PSAPL1: variants seen among roughly 807,000 people sequenced by gnomAD.
PSAPL1 encodes the protein proactivator polypeptide-like 1.
For synonymous variants in PSAPL1, 351 were observed against 291.6 expected (o/e 1.20, Z -2.08); for missense variants, 814 against 688.8 (o/e 1.18, Z -2.03).
rs1412151669 is a variant in PSAPL1, at chr4:7,432,356, C to G, written c.*958G>C. The G allele has an allele frequency of 6.6e-6, 1 of 152,098 alleles. No homozygotes were observed. Among genetic ancestry groups the G allele is most frequent in the African/African-American group, 2.4e-5 (1 of 41,420 alleles). The allele number at this position is 152,098 out of a possible 1,614,324, so 9.4% of individuals were successfully genotyped here. On this transcript the variant is annotated 3_prime_UTR_variant, in exon 1 of 1. Coordinates refer to ENST00000319098, the MANE Select transcript of PSAPL1 (RefSeq NM_001085382.2). ...ATGGGTTTTCTGGTCCCAGCAGACT[C>G]ATGAATGCCGGTCTCGGGGGAAAGG...
Position 7,432,599 on chromosome 4 carries a change from C to T in PSAPL1, c.*715G>A, listed in dbSNP as rs1726950026. On this transcript the variant is annotated 3_prime_UTR_variant, in exon 1 of 1. Coordinates refer to ENST00000319098, the MANE Select transcript of PSAPL1 (RefSeq NM_001085382.2). ...TTTTGCTCTCCTGACTTTGAGCACA[C>T]CCCAAGACTTTCCTTCTGCTCATTA... 6.6e-6 allele frequency: 1 copy of T among 152,116 alleles called. No homozygotes were observed. Among genetic ancestry groups the T allele is most frequent in the South Asian group, 2.1e-4 (1 of 4,810 alleles). 9.4% of individuals were successfully genotyped at this position (152,116 alleles called of 1,614,324 possible). A position where few individuals can be genotyped will look rare whatever the true frequency, so the allele number is the denominator to read the frequency against.
Position 7,433,982 on chromosome 4 carries a change from C to T in PSAPL1, c.898G>A (p.Val300Met), listed in dbSNP as rs759190650. ...AGCCAGTGGTCCAGCTTCTGCACCA[C>T]GTTCATGCACACCTCACAGGTCACA... ...AGVTCEVCMNVVQKLDHWLMS... is the reference protein window; with the variant it reads ...AGVTCEVCMNMVQKLDHWLMS... The change falls in exon 1 of 1, where the codon GTG (valine) becomes ATG (methionine). Residue 300 changes from valine to methionine, a missense_variant. Transcript: ENST00000319098. 1.1e-4 allele frequency: 181 copies of T among 1,613,702 alleles called. No homozygotes were observed. Among genetic ancestry groups the T allele is most frequent in the Admixed American group, 3.8e-4 (23 of 60,008 alleles).
rs753715246 is a variant in PSAPL1, at chr4:7,433,541, G to T, written c.1339C>A (p.Pro447Thr). 1.2e-6 allele frequency: 2 copies of T among 1,610,194 alleles called. No individual in the cohort carries two copies. Among genetic ancestry groups the T allele is most frequent in the Non-Finnish European group, 1.7e-6 (2 of 1,178,796 alleles). ...QCKHFVTQYE[P>T]VLIESLKDMM... ...TCCTTGAGACTCTCAATGAGCACGGGCTCGTACTGGGTGACGAAGTGCTTG... is the reference window on the plus strand; with the variant it reads ...TCCTTGAGACTCTCAATGAGCACGGTCTCGTACTGGGTGACGAAGTGCTTG... Residue 447 changes from proline to threonine, a missense_variant, in exon 1 of 1, where the codon CCC becomes ACC. Physicochemically the swap from Pro to Thr is conservative, Grantham distance 38 (BLOSUM62 -1). Transcript: ENST00000319098.
Position 7,433,793 on chromosome 4 carries a change from T to G in PSAPL1, c.1087A>C (p.Ile363Leu). The stretch of plus-strand genomic sequence containing the variant: ...CGCCTCCGGTTGCCACACAGACGGA[T>G]GAACTTGCACACCTTCTCTGGGGTG... Reference protein sequence around the residue: ...KITPEKVCKFIRLCGNRRRAR... With the variant: ...KITPEKVCKFLRLCGNRRRAR... Residue 363 changes from isoleucine (I) to leucine (L), a missense_variant, in exon 1 of 1, where the codon ATC becomes CTC. Transcript: ENST00000319098. 6.2e-7 allele frequency: 1 copy of G among 1,613,642 alleles called. No homozygotes were observed. Among genetic ancestry groups the G allele is most frequent in the Non-Finnish European group, 8.5e-7 (1 of 1,179,798 alleles).
Position 7,434,451 on chromosome 4 carries a change from C to T in PSAPL1, c.429G>A (p.Leu143=), listed in dbSNP as rs1488182247. ...GCCTCAGGGTGGCCAGGTGCCTCTGCAGCGGCTCACAGAGGCTGAGCGCTG... is the reference window on the plus strand; with the variant it reads ...GCCTCAGGGTGGCCAGGTGCCTCTGTAGCGGCTCACAGAGGCTGAGCGCTG... ...VCTALSLCEP[L]QRHLATLRPL... is the part of the protein sequence containing the mutation. Residue 143 remains leucine (L), a synonymous_variant, in exon 1 of 1, where the codon CTG becomes CTA. Coordinates refer to ENST00000319098, the MANE Select transcript of PSAPL1 (RefSeq NM_001085382.2). The T allele has an allele frequency of 3.1e-6, 5 of 1,610,510 alleles. No homozygotes were observed. Among genetic ancestry groups the T allele is most frequent in the Admixed American group, 1.7e-5 (1 of 59,728 alleles).
In PSAPL1 at chr4:7,433,669, G is replaced by A. The variant is rs372450529; in HGVS notation, c.1211C>T (p.Thr404Met). 9.9e-6 allele frequency: 16 copies of A among 1,609,708 alleles called. No homozygotes were observed. Among genetic ancestry groups the A allele is most frequent in the African/African-American group, 1.3e-5 (1 of 74,868 alleles). Residue 404 changes from threonine to methionine, a missense_variant, in exon 1 of 1, where the codon ACG (threonine) becomes ATG (methionine). Coordinates refer to ENST00000319098, the MANE Select transcript of PSAPL1 (RefSeq NM_001085382.2). ...GCTCTCCAAGTTGTGGGAGGACACC[G>A]TGAGCAGCCTCTTGCACCCATTGCA... The part of the protein sequence containing the change: ...SFCNGCKRLL[T>M]VSSHNLESKS...
Position 7,433,623 on chromosome 4 carries a change from G to T in PSAPL1, c.1257C>A (p.Ile419=), listed in dbSNP as rs767728929. 6.2e-7 allele frequency: 1 copy of T among 1,611,394 alleles called. No homozygotes were observed. Among genetic ancestry groups the T allele is most frequent in the Admixed American group, 1.7e-5 (1 of 59,752 alleles). Residue 419 remains isoleucine, a synonymous_variant, in exon 1 of 1, where the codon ATC becomes ATA. Coordinates refer to ENST00000319098, the MANE Select transcript of PSAPL1 (RefSeq NM_001085382.2). The stretch of plus-strand genomic sequence containing the variant: ...TGCAGCCACCCTTGAAGGCCACCAG[G>T]ATGTCTCGCTTGGTGCTCTTGCTCT... ...NLESKSTKRD[I]LVAFKGGCSI... is the part of the protein sequence containing the mutation.
chr4:7,434,328 G>C lies in PSAPL1; in HGVS notation c.552C>G (p.Cys184Trp). The change falls in exon 1 of 1, where the codon TGC becomes TGG. Residue 184 changes from cysteine (C) to tryptophan (W), a missense_variant. Physicochemically the swap from Cys to Trp is radical, Grantham distance 215. Coordinates refer to ENST00000319098, the MANE Select transcript of PSAPL1 (RefSeq NM_001085382.2). The part of the protein sequence containing the change: ...HPRQAPEGAL[C>W]QDCVRQVSRL... Reference sequence around the variant, plus strand: ...GGGAGACCTGCCGTACACAGTCTTGGCACAGAGCTCCTTCAGGCGCCTGGC... The same window carrying C: ...GGGAGACCTGCCGTACACAGTCTTGCCACAGAGCTCCTTCAGGCGCCTGGC... 1 of 1,610,982 alleles carries C rather than the reference G, an allele frequency of 6.2e-7. No individual in the cohort carries two copies. Among genetic ancestry groups the C allele is most frequent in the Non-Finnish European group, 8.5e-7 (1 of 1,178,954 alleles).
rs1218070401 is a variant in PSAPL1, at chr4:7,434,026, T to A, written c.854A>T (p.Glu285Val). Residue 285 changes from glutamate (E) to valine (V), a missense_variant, in exon 1 of 1, where the codon GAG (glutamate) becomes GTG (valine). Glu to Val is a moderately radical substitution (Grantham distance 121). Coordinates refer to ENST00000319098, the MANE Select transcript of PSAPL1 (RefSeq NM_001085382.2). ...LELGLPRKQS[E>V]MQMKAGVTCE... ...GGTCACACCGGCCTTCATCTGCATCTCGCTCTGTTTCCTTGGCAACCCCAG... is the reference window on the plus strand; with the variant it reads ...GGTCACACCGGCCTTCATCTGCATCACGCTCTGTTTCCTTGGCAACCCCAG... 6.2e-7 allele frequency: 1 copy of A among 1,611,628 alleles called. No individual in the cohort carries two copies. Among genetic ancestry groups the A allele is most frequent in the Admixed American group, 1.7e-5 (1 of 59,962 alleles).
In PSAPL1 at chr4:7,431,180, G is replaced by T. The variant is rs1389062036; in HGVS notation, c.*2134C>A. 6.6e-6 allele frequency: 1 copy of T among 152,484 alleles called. No individual in the cohort carries two copies. The highest frequency in any genetic ancestry group is 2.1e-4 in the South Asian group (1 of 4,836). The allele number at this position is 152,484 out of a possible 1,614,324, so 9.4% of individuals were successfully genotyped here. A position where few individuals can be genotyped will look rare whatever the true frequency, so the allele number is the denominator to read the frequency against. ...TGTGGGGTCATGGCCAGTGAGCTCC[G>T]TTCATCACGGGCAACCATCTAGTGG... is the stretch of plus-strand genomic sequence containing the variant. On this transcript the variant is annotated 3_prime_UTR_variant, in exon 1 of 1. Coordinates refer to ENST00000319098, the MANE Select transcript of PSAPL1 (RefSeq NM_001085382.2).
chr4:7,431,801 G>T lies in PSAPL1; in HGVS notation c.*1513C>A, dbSNP rs777388713. 6.6e-6 allele frequency: 1 copy of T among 152,212 alleles called. No homozygotes were observed. The highest frequency in any genetic ancestry group is 1.5e-5 in the Non-Finnish European group (1 of 68,042). The allele number at this position is 152,212 out of a possible 1,614,324, so 9.4% of individuals were successfully genotyped here. On this transcript the variant is annotated 3_prime_UTR_variant, in exon 1 of 1. Transcript: ENST00000319098. ...CCCAGTGTGCCTGTGTTCCTGGGGC[G>T]GTGGCCCAGGTCTGCGACGTTTACT...
the PSAPL1 span, chr4:7,434,316 TAC>T: frequency 2.7e-5 from 44 of 1,611,606 alleles, no homozygotes; most frequent in Non-Finnish European, 3.3e-5. Context: ...AGACCTGCCG[TAC>T]ACAGTCTTGG....
chr4:7,434,700 C>T lies in PSAPL1; in HGVS notation c.180G>A (p.Lys60=), dbSNP rs767793679. 10 of 1,613,034 alleles carry T rather than the reference C, an allele frequency of 6.2e-6. No individual in the cohort carries two copies. The South Asian group carries it at 9.9e-5, about 16-fold the overall frequency. ...CCTGGCATACGTCGCAGGGCAGAGA[C>T]TTCGCGGTGGGTTTGTTCCATACGG... The part of the protein sequence containing the change: ...QGAVWNKPTA[K]SLPCDVCQDI... The change falls in exon 1 of 1, where the codon AAG becomes AAA. Residue 60 remains lysine, a synonymous_variant. Coordinates refer to ENST00000319098, the MANE Select transcript of PSAPL1 (RefSeq NM_001085382.2).
At position 7,430,722 on chromosome 4, in the gene PSAPL1, C is replaced by T. The variant is rs1001240274; in HGVS notation, c.*2592G>A. The T allele has an allele frequency of 2.6e-5, 4 of 152,276 alleles. No individual in the cohort carries two copies. The highest frequency in any genetic ancestry group is 9.6e-5 in the African/African-American group (4 of 41,452). 9.4% of individuals were successfully genotyped at this position (152,276 alleles called of 1,614,324 possible). A position where few individuals can be genotyped will look rare whatever the true frequency, so the allele number is the denominator to read the frequency against. ...CCCATCCTTGCTGGGATGGGTCTCC[C>T]AAACTTCTAGGCCCAGTAGGGCCAG... On this transcript the variant is annotated 3_prime_UTR_variant, in exon 1 of 1. Transcript: ENST00000319098.
In PSAPL1 at chr4:7,431,452, C is replaced by T. The variant is rs1306848486; in HGVS notation, c.*1862G>A. The T allele has an allele frequency of 6.6e-6, 1 of 152,244 alleles. No homozygotes were observed. Among genetic ancestry groups the T allele is most frequent in the Non-Finnish European group, 1.5e-5 (1 of 68,068 alleles). 9.4% of individuals were successfully genotyped at this position (152,244 alleles called of 1,614,324 possible). A position where few individuals can be genotyped will look rare whatever the true frequency, so the allele number is the denominator to read the frequency against. On this transcript the variant is annotated 3_prime_UTR_variant, in exon 1 of 1. Transcript: ENST00000319098. ...CTTCCCGGTAGGCATCCTCCCGACT[C>T]ACAGCCAAGCCAGAGGAGGGCCTAT...
chr4:7,433,281 C>G lies in PSAPL1; in HGVS notation c.*33G>C. On this transcript the variant is annotated 3_prime_UTR_variant, in exon 1 of 1. Transcript: ENST00000319098. ...GGGAAAGCACCCACCTCATGGGCCT[C>G]GCTAGCAGGCTCTGGGTCTCTGGCA... 7.4e-7 allele frequency: 1 copy of G among 1,358,526 alleles called. No individual in the cohort carries two copies. Among genetic ancestry groups the G allele is most frequent in the Non-Finnish European group, 9.5e-7 (1 of 1,054,158 alleles). 84.2% of individuals were successfully genotyped at this position (1,358,526 alleles called of 1,614,324 possible). A position where few individuals can be genotyped will look rare whatever the true frequency, so the allele number is the denominator to read the frequency against.
Position 7,433,331 on chromosome 4 carries a change from C to T in PSAPL1, c.1549G>A (p.Ala517Thr), listed in dbSNP as rs60816800. 0.17 allele frequency: 242,652 copies of T among 1,419,674 alleles called. 22,331 individuals carry two copies. Among genetic ancestry groups the T allele is most frequent in the Middle Eastern group, 0.29 (1,600 of 5,428 alleles). The allele number at this position is 1,419,674 out of a possible 1,614,324, so 87.9% of individuals were successfully genotyped here. A position where few individuals can be genotyped will look rare whatever the true frequency, so the allele number is the denominator to read the frequency against. The change falls in exon 1 of 1, where the codon GCT becomes ACT. Residue 517 changes from alanine (A) to threonine (T), a missense_variant. Transcript: ENST00000319098. ...KHVWKEMHLH[A>T]GEHA ...AGCCACGGTCACGCGTGTTCCCCAGCGTGGAGGTGCATCTCTTTCCATACA... is the reference window on the plus strand; with the variant it reads ...AGCCACGGTCACGCGTGTTCCCCAGTGTGGAGGTGCATCTCTTTCCATACA...
Position 7,434,442 on chromosome 4 carries a change from G to A in PSAPL1, c.438C>T (p.His146=), listed in dbSNP as rs772157055. Residue 146 remains histidine, a synonymous_variant, in exon 1 of 1, where the codon CAC becomes CAT. Coordinates refer to ENST00000319098, the MANE Select transcript of PSAPL1 (RefSeq NM_001085382.2). ...TGGAGAGTGGCCTCAGGGTGGCCAGGTGCCTCTGCAGCGGCTCACAGAGGC... is the reference window on the plus strand; with the variant it reads ...TGGAGAGTGGCCTCAGGGTGGCCAGATGCCTCTGCAGCGGCTCACAGAGGC... The part of the protein sequence containing the change: ...ALSLCEPLQR[H]LATLRPLSKE... 15 of 1,610,064 alleles carry A rather than the reference G, an allele frequency of 9.3e-6. No homozygotes were observed. In the East Asian group the frequency reaches 3.3e-4, roughly 36 times the overall value.
rs1380689274 is a variant in PSAPL1 at position 7,433,305 on chromosome 4, C to T, written c.*9G>A. 20 of 1,373,074 alleles carry T rather than the reference C, an allele frequency of 1.5e-5. No individual in the cohort carries two copies. The highest frequency in any genetic ancestry group is 1.9e-5 in the Non-Finnish European group (20 of 1,060,790). 85.1% of individuals were successfully genotyped at this position (1,373,074 alleles called of 1,614,324 possible). On this transcript the variant is annotated 3_prime_UTR_variant, in exon 1 of 1. Transcript: ENST00000319098. The stretch of plus-strand genomic sequence containing the variant: ...TCGCTAGCAGGCTCTGGGTCTCTGG[C>T]AGCCACGGTCACGCGTGTTCCCCAG...
Sources: gnomAD v4.1 joint callset for allele counts on GRCh38, gnomAD v4.1.1 for gene constraint, MANE v1.5 for transcripts, NCBI Gene and HGNC (gene_info 2026-07-23, HGNC 2026-07-21) for gene names.